NSMCE2: variants seen among roughly 807,000 people sequenced by gnomAD.
NSMCE2 encodes E3 SUMO-protein ligase NSE2.
In NSMCE2, 24 loss-of-function variants were observed where a neutral mutation model predicts 23.8. That is an observed-to-expected ratio of 1.01 (90% confidence interval 0.73 to 1.42). The LOEUF (loss-of-function observed/expected upper bound fraction) is 1.42, where lower values mean the gene tolerates loss of function less well. Among genes scored for constraint, NSMCE2 ranks in the 40% most tolerant of loss-of-function variants. The pLI is 0.00. For missense variants in NSMCE2, 284 were observed against 296.5 expected, an observed-to-expected ratio of 0.96 and a Z score of 0.31; for synonymous variants, 92 against 94.1, an observed-to-expected ratio of 0.98 and a Z score of 0.13.
At chr8:125,245,743 A>G (rs1209532109) in intron 5 of NSMCE2, among the ~76,000 whole-genome samples, 2 of 152,168 alleles carry the variant, frequency 1.3e-5, no homozygotes, top group Non-Finnish European at 2.9e-5. Context: ...AGATCAAAAG[A>G]AAATATGAAG....
At chr8:125,099,780 A>G (rs1243995777) in intron 1 of NSMCE2, among the ~76,000 whole-genome samples, 1 of 152,182 alleles carries the variant, frequency 6.6e-6, no homozygotes, top group Non-Finnish European at 1.5e-5. Flanking sequence ...AGACAAATGT[A>G]TACAAATCTA....
At chr8:125,154,889 T>C (rs1376139285) in intron 4 of NSMCE2, among the ~76,000 whole-genome samples, 1 of 152,222 alleles carries the variant, frequency 6.6e-6, no homozygotes, top group Admixed American at 6.5e-5. Context: ...CTCCCTTGCT[T>C]TCTACGCTTT....
At chr8:125,130,783 A>G (rs1209048482) in intron 3 of NSMCE2, among the ~76,000 whole-genome samples, 1 of 152,202 alleles carries the variant, frequency 6.6e-6, no homozygotes, top group Non-Finnish European at 1.5e-5. Flanking sequence ...ACGCTAATCT[A>G]GTGCTGCGTG....
intron 5 of NSMCE2, 63 bp downstream of exon 5, chr8:125,182,319 G>A (rs908512214): frequency 3.3e-6 from 4 of 1,230,202 alleles, no homozygotes; most frequent in African/African-American, 3.1e-5. Flanking sequence ...TTGATGAACA[G>A]CCCCAGTTAA....
intron 4 of NSMCE2, among the ~76,000 whole-genome samples, chr8:125,178,742 C>A (rs1412997692): frequency 6.7e-6 from 1 of 148,244 alleles, no homozygotes; most frequent in Non-Finnish European, 1.5e-5. Context: ...TGGTGACGGG[C>A]ACCTGTAGTC....
intron 5 of NSMCE2, among the ~76,000 whole-genome samples, chr8:125,202,471 A>C (rs1823928765): frequency 6.6e-6 from 1 of 152,234 alleles, no homozygotes; most frequent in Non-Finnish European, 1.5e-5. Context: ...AAATGAGAAA[A>C]TGTAAGTTCA....
At chr8:125,231,238 A>G (rs938323203) in intron 5 of NSMCE2, among the ~76,000 whole-genome samples, 3 of 152,214 alleles carry the variant, frequency 2.0e-5, no homozygotes, top group Admixed American at 1.3e-4. Context: ...CCTAATACAC[A>G]GAAAGTGCTG....
At chr8:125,236,012 ATCT>A (rs1825533729) in intron 5 of NSMCE2, among the ~76,000 whole-genome samples, 1 of 152,238 alleles carries the variant, frequency 6.6e-6, no homozygotes, top group Non-Finnish European at 1.5e-5. Flanking sequence ...TATTTGAACA[ATCT>A]TCTTGCTGAA....
intron 5 of NSMCE2, among the ~76,000 whole-genome samples, chr8:125,312,395 G>A (rs1190338177): frequency 1.3e-5 from 2 of 152,162 alleles, no homozygotes; most frequent in African/African-American, 4.8e-5. Flanking sequence ...GGAGGCTGAG[G>A]CGAGTGGATC....
intron 7 of NSMCE2, among the ~76,000 whole-genome samples, chr8:125,365,889 C>T (rs1813766951): frequency 6.6e-6 from 1 of 152,098 alleles, no homozygotes; most frequent in South Asian, 2.1e-4. Context: ...TAAATAAACT[C>T]CAAAGCCCCA....
At chr8:125,203,251 G>C (rs1166959317) in intron 5 of NSMCE2, among the ~76,000 whole-genome samples, 1 of 150,600 alleles carries the variant, frequency 6.6e-6, no homozygotes, top group Admixed American at 6.6e-5. Context: ...GTGTGTGTCT[G>C]TATGTATATA....
At chr8:125,273,360 CAA>C (rs1345712446) in intron 5 of NSMCE2, among the ~76,000 whole-genome samples, 3 of 152,122 alleles carry the variant, frequency 2.0e-5, no homozygotes, top group Non-Finnish European at 4.4e-5. Flanking sequence ...TGTTGCATCA[CAA>C]AGATTTATTG....
chr8:125,235,877 TGC>T (rs1442439420), intron 5 of NSMCE2, among the ~76,000 whole-genome samples: 5 of 152,242 alleles, frequency 3.3e-5, no homozygotes, highest in Non-Finnish European at 7.3e-5. Flanking sequence ...AAAAGATGCT[TGC>T]CTTCTAATCC....
At chr8:125,200,798 T>A (rs1823837684) in intron 5 of NSMCE2, among the ~76,000 whole-genome samples, 1 of 152,338 alleles carries the variant, frequency 6.6e-6, no homozygotes, top group East Asian at 1.9e-4. Flanking sequence ...TCCCTGTCAC[T>A]TTCAGCTACA....
At chr8:125,153,874 A>G (rs944857273) in intron 4 of NSMCE2, among the ~76,000 whole-genome samples, 2 of 152,210 alleles carry the variant, frequency 1.3e-5, no homozygotes, top group African/African-American at 2.4e-5. Flanking sequence ...AAAATCTTCT[A>G]AAAAGCAAGT....
chr8:125,275,398 A>G (rs1209034323), intron 5 of NSMCE2, among the ~76,000 whole-genome samples: 3 of 151,992 alleles, frequency 2.0e-5, no homozygotes, highest in Non-Finnish European at 2.9e-5. Context: ...TGGGCTATGA[A>G]CTCCACTAGA....
intron 5 of NSMCE2, among the ~76,000 whole-genome samples, chr8:125,355,636 G>A (rs1813229452): frequency 7.0e-6 from 1 of 142,288 alleles, no homozygotes; most frequent in African/African-American, 2.6e-5. Context: ...GGAGGCGGAG[G>A]TTGCAGTGAG....
intron 1 of NSMCE2, among the ~76,000 whole-genome samples, chr8:125,096,124 T>C (rs572893800): frequency 2.6e-5 from 4 of 152,160 alleles, no homozygotes; most frequent in Middle Eastern, 3.2e-3. Context: ...CATCAGCATA[T>C]AGCTTTACTA....
chr8:125,157,990 A>G (rs973138145), intron 4 of NSMCE2, among the ~76,000 whole-genome samples: 2 of 152,222 alleles, frequency 1.3e-5, no homozygotes, highest in African/African-American at 2.4e-5. Context: ...CTTTTATGCA[A>G]TGTGATTCTC....
Sources: allele counts gnomAD v4.1 joint callset (sites outside exome capture counted in the v4.1 genomes callset), GRCh38; gene constraint gnomAD v4.1.1; transcripts MANE v1.5; gene names NCBI Gene and HGNC (gene_info 2026-07-23, HGNC 2026-07-21).